The following RFX3 variants were observed in gnomAD, a reference collection of about 807,000 sequenced individuals.
The protein encoded by RFX3 is regulatory factor X3, also known as transcription factor RFX3.
A neutral mutation model predicts 98.6 loss-of-function variants in RFX3; 14 were observed. The observed-to-expected ratio is 0.14, with a 90% CI of 0.09 to 0.22. The LOEUF is 0.22. Among genes scored for constraint, RFX3 ranks in the 10% least tolerant of loss-of-function variants. RFX3 has a pLI of 1.00. For synonymous variants in RFX3, 383 were observed against 328.4 expected (o/e 1.17, Z -1.80); for missense variants, 639 against 926.9 (o/e 0.69, Z 4.03).
intron 1 of RFX3, among the ~76,000 whole-genome samples, chr9:3,440,673 G>T (rs547784761): frequency 4.6e-5 from 7 of 152,216 alleles, no homozygotes; most frequent in Admixed American, 2.6e-4. Flanking sequence ...TTCATTTAAA[G>T]ATCTAATGCA....
intron 1 of RFX3, among the ~76,000 whole-genome samples, chr9:3,459,969 T>A (rs537694924): frequency 6.6e-6 from 1 of 152,190 alleles, no homozygotes; most frequent in East Asian, 1.9e-4. Context: ...GTATTGCTTT[T>A]GTAATCGAGG....
chr9:3,263,914 G>A (rs562458369), intron 12 of RFX3, among the ~76,000 whole-genome samples: 5 of 152,150 alleles, frequency 3.3e-5, no homozygotes, highest in Admixed American at 3.3e-4. Context: ...CTGCCTGTTA[G>A]AGCGGAACCT....
At chr9:3,383,018 T>C (rs1839351617) in intron 2 of RFX3, among the ~76,000 whole-genome samples, 1 of 152,140 alleles carries the variant, frequency 6.6e-6, no homozygotes, top group African/African-American at 2.4e-5. Context: ...TTATTTCAGA[T>C]TGGCAAAGTT....
Position 3,504,937 on chromosome 9 carries a change from T to C in RFX3, c.-9+20810A>G, listed in dbSNP as rs867581489. ...ATAATATAACATATATTATATATAA[T>C]ATATATAATATAATATATATTATAT... On this transcript the variant is annotated intron_variant, in intron 1 of 16. Coordinates refer to ENST00000617270, the MANE Select transcript of RFX3 (RefSeq NM_001282116.2). Among the ~76,000 whole-genome samples, 11 of 70,964 alleles carry C rather than the reference T, an allele frequency of 1.6e-4. 1 individual carries two copies. The highest frequency in any genetic ancestry group is 1.1e-3 in the East Asian group (2 of 1,804). 46.6% of individuals were successfully genotyped at this position (70,964 alleles called of 152,430 possible).
intron 2 of RFX3, among the ~76,000 whole-genome samples, chr9:3,369,881 G>A (rs754886448): frequency 6.6e-6 from 1 of 152,214 alleles, no homozygotes; most frequent in Admixed American, 6.5e-5. Flanking sequence ...CCAGGCTGGA[G>A]TGCGGTGGCG....
intron 2 of RFX3, among the ~76,000 whole-genome samples, chr9:3,384,035 G>T (rs1338035601): frequency 6.6e-6 from 1 of 151,988 alleles, no homozygotes. Context: ...TTTGATGACC[G>T]ATTCATTTGG....
At chr9:3,424,595 C>T (rs911287117) in intron 1 of RFX3, among the ~76,000 whole-genome samples, 15 of 151,754 alleles carry the variant, frequency 9.9e-5, no homozygotes, top group Admixed American at 3.3e-4. Context: ...CTCCTGACCT[C>T]GTGCTCCGCC....
At chr9:3,463,836 T>C (rs904927029) in intron 1 of RFX3, among the ~76,000 whole-genome samples, 2 of 151,882 alleles carry the variant, frequency 1.3e-5, no homozygotes, top group African/African-American at 4.8e-5. Flanking sequence ...TAGCCAGGCA[T>C]GGAGGTACAC....
chr9:3,303,555 A>G (rs775522157), intron 4 of RFX3, among the ~76,000 whole-genome samples: 2 of 151,952 alleles, frequency 1.3e-5, no homozygotes, highest in Non-Finnish European at 1.5e-5. Flanking sequence ...TACCAGATAC[A>G]TAATTGCTGA....
At chr9:3,304,561 A>G (rs1038460108) in intron 4 of RFX3, among the ~76,000 whole-genome samples, 2 of 152,070 alleles carry the variant, frequency 1.3e-5, no homozygotes, top group African/African-American at 2.4e-5. Flanking sequence ...TGTGGGAGGG[A>G]GCCAGTGGGA....
chr9:3,256,664 T>C (rs1166344351), intron 14 of RFX3, among the ~76,000 whole-genome samples: 1 of 152,196 alleles, frequency 6.6e-6, no homozygotes, highest in African/African-American at 2.4e-5. Context: ...TAATGTATGT[T>C]GCAAGAGGGA....
chr9:3,271,535 CTCTTTCTCTTTCTCTCTT>C (rs1245390019), intron 9 of RFX3, among the ~76,000 whole-genome samples: 4 of 9,396 alleles, frequency 4.3e-4, no homozygotes, highest in Non-Finnish European at 2.9e-3. Context: ...CTTTCTTTCT[CTCTTTCTCTTTCTCTCTT>C]TCTCTCTCTC....
chr9:3,367,117 C>T (rs902938913), intron 2 of RFX3, among the ~76,000 whole-genome samples: 1 of 152,084 alleles, frequency 6.6e-6, no homozygotes, highest in Non-Finnish European at 1.5e-5. Flanking sequence ...AAAATACCTC[C>T]CATGATTATC....
At chr9:3,425,248 A>C (rs1280485033) in intron 1 of RFX3, among the ~76,000 whole-genome samples, 1 of 152,216 alleles carries the variant, frequency 6.6e-6, no homozygotes, top group Non-Finnish European at 1.5e-5. Flanking sequence ...AGAAAAGAAA[A>C]GAAAATTTGT....
At chr9:3,369,198 A>C (rs1030794810) in intron 2 of RFX3, among the ~76,000 whole-genome samples, 7 of 152,226 alleles carry the variant, frequency 4.6e-5, no homozygotes, top group African/African-American at 1.2e-4. Flanking sequence ...CGAACAACAG[A>C]AATTTATTTC....
intron 3 of RFX3, among the ~76,000 whole-genome samples, chr9:3,335,578 G>T (rs1456695004): frequency 6.6e-6 from 1 of 152,044 alleles, no homozygotes; most frequent in African/African-American, 2.4e-5. Context: ...AAATCCCCAA[G>T]CAATTCTGTG....
intron 13 of RFX3, among the ~76,000 whole-genome samples, chr9:3,258,050 A>G (rs1563813843): frequency 6.6e-6 from 1 of 152,266 alleles, no homozygotes; most frequent in East Asian, 1.9e-4. Flanking sequence ...GGCAAAACAT[A>G]ATTCTTTGGT....
chr9:3,343,867 C>G (rs1834159189), intron 3 of RFX3, among the ~76,000 whole-genome samples: 1 of 152,170 alleles, frequency 6.6e-6, no homozygotes, highest in Non-Finnish European at 1.5e-5. Context: ...GACAAATGAC[C>G]TCATGACCTA....
chr9:3,491,718 T>A (rs936686951), intron 1 of RFX3, among the ~76,000 whole-genome samples: 2 of 152,196 alleles, frequency 1.3e-5, no homozygotes, highest in Non-Finnish European at 2.9e-5. Flanking sequence ...ATCTCTTTGT[T>A]TTTTATGATT....
Sources: gnomAD v4.1 joint callset for allele counts (sites outside exome capture counted in the v4.1 genomes callset) on GRCh38, gnomAD v4.1.1 for gene constraint, MANE v1.5 for transcripts, NCBI Gene and HGNC (gene_info 2026-07-23, HGNC 2026-07-21) for gene names.